The following RYR3 variants were observed in gnomAD, a reference collection of about 807,000 sequenced individuals.
RYR3 encodes the protein ryanodine receptor 3, also known as brain ryanodine receptor-calcium release channel.
RYR3 carries 207 observed loss-of-function variants against 584.3 expected under a neutral mutation model. The ratio of observed to expected loss-of-function variants is 0.35; its 90% confidence interval spans 0.32 to 0.40. The LOEUF (loss-of-function observed/expected upper bound fraction) is 0.40. RYR3 is among the 10% of genes least tolerant of loss of function. The pLI, the probability that RYR3 is intolerant of heterozygous loss-of-function variation, is 1.00. For synonymous variants in RYR3, 2,416 were observed against 2,248.5 expected (o/e 1.07, Z -2.11); for missense variants, 5,616 against 6,089.2 (o/e 0.92, Z 2.59).
At chr15:33,497,192 AC>A (rs1186959005) in intron 2 of RYR3, among the ~76,000 whole-genome samples, 2 of 152,146 alleles carry the variant, frequency 1.3e-5, no homozygotes, top group African/African-American at 4.8e-5. Flanking sequence ...CTGCAGAGAT[AC>A]CCATACATCA....
intron 62 of RYR3, among the ~76,000 whole-genome samples, chr15:33,771,613 T>G (rs1292600977): frequency 6.6e-6 from 1 of 152,212 alleles, no homozygotes; most frequent in Non-Finnish European, 1.5e-5. Flanking sequence ...TACAGAAGAC[T>G]TTAGCCAGTT....
At chr15:33,318,274 A>G (rs1968474963) in intron 1 of RYR3, among the ~76,000 whole-genome samples, 1 of 152,244 alleles carries the variant, frequency 6.6e-6, no homozygotes, top group South Asian at 2.1e-4. Context: ...CACACCTGTT[A>G]TAAAAGTGTA....
intron 66 of RYR3, among the ~76,000 whole-genome samples, chr15:33,786,937 G>C (rs28673090): frequency 2.0e-3 from 302 of 152,212 alleles, no homozygotes; most frequent in Non-Finnish European, 3.6e-3. Flanking sequence ...GGTGCTAATT[G>C]GTGTTCCTCT....
At position 33,813,572 on chromosome 15, in the gene RYR3, C is replaced by A. The variant is rs1380669369; in HGVS notation, c.10495C>A (p.Leu3499Met). The change falls in exon 74 of 104, where the codon CTG becomes ATG. Residue 3499 changes from leucine to methionine, a missense_variant. By Grantham distance (15) the Leu-to-Met change is conservative. Coordinates refer to ENST00000634891, the MANE Select transcript of RYR3 (RefSeq NM_001036.6). Reference sequence around the variant, plus strand: ...TTTCAGGATGGCCCCTCTCTACAACCTGCCCAGGCAAGTATTTTGTCTTTT... The same window carrying A: ...TTTCAGGATGGCCCCTCTCTACAACATGCCCAGGCAAGTATTTTGTCTTTT... The part of the protein sequence containing the change: ...ACFRMAPLYN[L>M]PRHRSINLFL... 5 of 1,613,494 alleles carry A rather than the reference C, an allele frequency of 3.1e-6. No individual in the cohort carries two copies. The highest frequency in any genetic ancestry group is 1.7e-4 in the Middle Eastern group (1 of 6,014).
chr15:33,638,519 G>C (rs1422884989), intron 27 of RYR3, among the ~76,000 whole-genome samples: 1 of 152,174 alleles, frequency 6.6e-6, no homozygotes, highest in Admixed American at 6.5e-5. Flanking sequence ...AGAGTTACAA[G>C]AACTTTGTAA....
Position 33,838,458 on chromosome 15 carries a change from G to C in RYR3, c.12478G>C (p.Ala4160Pro). 3 of 1,614,022 alleles carry C rather than the reference G, an allele frequency of 1.9e-6. No homozygotes were observed. Among genetic ancestry groups the C allele is most frequent in the Non-Finnish European group, 2.5e-6 (3 of 1,179,898 alleles). Residue 4160 changes from alanine (A) to proline (P), a missense_variant, in exon 89 of 104, where the codon GCA (alanine) becomes CCA (proline). Coordinates refer to ENST00000634891, the MANE Select transcript of RYR3 (RefSeq NM_001036.6). ...GAATGTCACCGACTTCCTGAAGAGA[G>C]CAACCCTGAAGAACCTCAGGAAGCA... Reference protein sequence around the residue: ...KRNVTDFLKRATLKNLRKQYR... With the variant: ...KRNVTDFLKRPTLKNLRKQYR...
rs1419162297 is a variant in RYR3, at chr15:33,859,796, C to T, written c.14299+65C>T. 2.0e-6 allele frequency: 3 copies of T among 1,482,198 alleles called. No homozygotes were observed. In the African/African-American group the frequency reaches 4.2e-5, roughly 21 times the overall value. 91.8% of individuals were successfully genotyped at this position (1,482,198 alleles called of 1,614,324 possible). On this transcript the variant is annotated intron_variant, in intron 100 of 103. Transcript: ENST00000634891. ...TCTAGTTCTTTTTGCTTTCTTCCAT[C>T]TATGACTTAATTGGTTTATGAAGAA...
intron 27 of RYR3, among the ~76,000 whole-genome samples, chr15:33,637,598 CTT>C (rs1019685915): frequency 6.6e-6 from 1 of 152,192 alleles, no homozygotes; most frequent in Non-Finnish European, 1.5e-5. Context: ...ATTTCTGAGA[CTT>C]TACAGAAAGA....
intron 1 of RYR3, among the ~76,000 whole-genome samples, chr15:33,464,491 C>G (rs28579292): frequency 2.2e-5 from 2 of 89,094 alleles, no homozygotes; most frequent in African/African-American, 6.4e-5. Context: ...TATATATATA[C>G]ACATATATAT....
intron 8 of RYR3, among the ~76,000 whole-genome samples, chr15:33,547,902 C>T: frequency 6.6e-6 from 1 of 152,162 alleles, no homozygotes; most frequent in Non-Finnish European, 1.5e-5. Flanking sequence ...CATAAATGCC[C>T]ATGATATGGA....
Position 33,548,230 on chromosome 15 carries a change from T to C in RYR3, c.815+26T>C, listed in dbSNP as rs758016807. The C allele has an allele frequency of 9.0e-6, 13 of 1,439,230 alleles. No individual in the cohort carries two copies. The South Asian group carries it at 1.6e-4, about 17-fold the overall frequency. The allele number at this position is 1,439,230 out of a possible 1,614,324, so 89.2% of individuals were successfully genotyped here. ...GTAATGGAAGGCCTGGGAATGCCCT[T>C]TTCAAGATTACTTTCTTTTTCAGTA... On this transcript the variant is annotated intron_variant, in intron 9 of 103. Transcript: ENST00000634891.
At chr15:33,584,576 T>C (rs2058750281) in intron 15 of RYR3, 86 bp downstream of exon 15, 3 of 641,784 alleles carry the variant, frequency 4.7e-6, no homozygotes, top group Non-Finnish European at 8.1e-6. Context: ...GTTGAATCTT[T>C]TCCAATGGAT....
chr15:33,655,016 C>G (rs2062741602), intron 32 of RYR3, among the ~76,000 whole-genome samples: 1 of 152,210 alleles, frequency 6.6e-6, no homozygotes, highest in African/African-American at 2.4e-5. Context: ...CGGGGAGCAG[C>G]CTGTTGGCAC....
intron 5 of RYR3, among the ~76,000 whole-genome samples, chr15:33,534,118 G>T (rs951467269): frequency 6.6e-6 from 1 of 152,170 alleles, no homozygotes; most frequent in African/African-American, 2.4e-5. Flanking sequence ...TAGTAAAAAT[G>T]GGCCGGGCAC....
chr15:33,675,858 T>C (rs1488520851), intron 38 of RYR3, among the ~76,000 whole-genome samples: 1 of 152,164 alleles, frequency 6.6e-6, no homozygotes, highest in Non-Finnish European at 1.5e-5. Flanking sequence ...ACCAGCTTTG[T>C]GTAGCCCTCC....
At chr15:33,677,844 G>A (rs2064290518) in intron 38 of RYR3, among the ~76,000 whole-genome samples, 1 of 152,170 alleles carries the variant, frequency 6.6e-6, no homozygotes, top group African/African-American at 2.4e-5. Context: ...GACACAGCCT[G>A]TCCTGAGAGC....
intron 46 of RYR3, among the ~76,000 whole-genome samples, chr15:33,728,575 A>G (rs1471310409): frequency 2.0e-5 from 3 of 152,180 alleles, no homozygotes; most frequent in African/African-American, 4.8e-5. Context: ...GGATTTTGCA[A>G]TATTTGCGCT....
chr15:33,728,112 G>A (rs1264436520), intron 46 of RYR3, among the ~76,000 whole-genome samples: 3 of 152,148 alleles, frequency 2.0e-5, no homozygotes, highest in Admixed American at 6.5e-5. Flanking sequence ...CTTCATTCAT[G>A]TTTTCTCCCT....
At position 33,562,929 on chromosome 15, in the gene RYR3, G is replaced by A; in HGVS notation, c.1065G>A (p.Val355=). 6.2e-7 allele frequency: 1 copy of A among 1,613,794 alleles called. No individual in the cohort carries two copies. ...EIKYGDSVCF[V]QHIASGLWVT... Reference sequence around the variant, plus strand: ...AGTATGGAGATTCTGTCTGCTTTGTGCAGCATATAGCCAGTGGTCTGTGGG... The same window carrying A: ...AGTATGGAGATTCTGTCTGCTTTGTACAGCATATAGCCAGTGGTCTGTGGG... Residue 355 remains valine (V), a synonymous_variant, in exon 11 of 104, where the codon GTG becomes GTA. Coordinates refer to ENST00000634891, the MANE Select transcript of RYR3 (RefSeq NM_001036.6).
Sources: allele counts gnomAD v4.1 joint callset (sites outside exome capture counted in the v4.1 genomes callset), GRCh38; gene constraint gnomAD v4.1.1; transcripts MANE v1.5; gene names NCBI Gene and HGNC (gene_info 2026-07-23, HGNC 2026-07-21).